Variants in ADGRA3 observed in about 807,000 individuals in gnomAD.
The protein encoded by ADGRA3 is G-protein coupled receptor 125.
In ADGRA3, 56 loss-of-function variants were observed where a neutral mutation model predicts 119.8. The observed-to-expected ratio is 0.47, with a 90% CI of 0.38 to 0.58. The LOEUF (loss-of-function observed/expected upper bound fraction) is 0.58. Among genes scored for constraint, ADGRA3 ranks in the 20% least tolerant of loss-of-function variants. The pLI, the probability that ADGRA3 is intolerant of heterozygous loss-of-function variation, is 0.00. For missense variants in ADGRA3, 1,516 were observed against 1,649.0 expected, an observed-to-expected ratio of 0.92 and a Z score of 1.40; for synonymous variants, 607 against 623.8, an observed-to-expected ratio of 0.97 and a Z score of 0.40.
intron 4 of ADGRA3, among the ~76,000 whole-genome samples, chr4:22,449,505 T>C (rs1716954141): frequency 6.6e-6 from 1 of 152,050 alleles, no homozygotes; most frequent in Non-Finnish European, 1.5e-5. Context: ...GTTTGCAAGA[T>C]TCCATAACAG....
chr4:22,442,595 GATAA>G, intron 7 of ADGRA3, 51 bp downstream of exon 7: 3 of 1,247,786 alleles, frequency 2.4e-6, no homozygotes, highest in Non-Finnish European at 2.3e-6. Flanking sequence ...CCTCCAAAAG[GATAA>G]ATAAAATACA....
At chr4:22,480,964 C>A (rs1378645108) in intron 1 of ADGRA3, among the ~76,000 whole-genome samples, 2 of 152,060 alleles carry the variant, frequency 1.3e-5, no homozygotes, top group Admixed American at 6.6e-5. Flanking sequence ...CGCTTGAGCC[C>A]AGGAGTTTGA....
Position 22,387,661 on chromosome 4 carries a change from G to GT in ADGRA3, c.*43dup, listed in dbSNP as rs1560290145. 1 of 1,535,856 alleles carries GT rather than the reference G, an allele frequency of 6.5e-7. No homozygotes were observed. Among genetic ancestry groups the GT allele is most frequent in the Non-Finnish European group, 8.8e-7 (1 of 1,136,382 alleles). On this transcript the variant is annotated 3_prime_UTR_variant, in exon 19 of 19. Transcript: ENST00000334304. ...ATGCTCATAGCTTCAAGGAATGTGA[G>GT]TATCACAGTTTATATGAATTTCTGC... is the stretch of plus-strand genomic sequence containing the variant.
Position 22,388,043 on chromosome 4 carries a change from G to T in ADGRA3, c.3628C>A (p.Arg1210=), listed in dbSNP as rs779659276. 2 of 1,614,076 alleles carry T rather than the reference G, an allele frequency of 1.2e-6. No homozygotes were observed. The highest frequency in any genetic ancestry group is 1.1e-5 in the South Asian group (1 of 91,084). ...GSVQNGLPKS[R]LGNNEGHSRS... is the part of the protein sequence containing the mutation. ...GAGTGTCCTTCGTTATTGCCCAGCCGGCTTTTAGGTAAGCCGTTCTGCACG... is the reference window on the plus strand; with the variant it reads ...GAGTGTCCTTCGTTATTGCCCAGCCTGCTTTTAGGTAAGCCGTTCTGCACG... Residue 1210 remains arginine (R), a synonymous_variant, in exon 19 of 19, where the codon CGG becomes AGG. Transcript: ENST00000334304.
intron 2 of ADGRA3, among the ~76,000 whole-genome samples, chr4:22,472,440 C>A (rs1717890078): frequency 6.6e-6 from 1 of 152,138 alleles, no homozygotes; most frequent in Admixed American, 6.5e-5. Flanking sequence ...GATCAGCATA[C>A]ACTAAAGCAC....
chr4:22,505,009 G>T (rs1295842966), intron 1 of ADGRA3, among the ~76,000 whole-genome samples: 1 of 152,152 alleles, frequency 6.6e-6, no homozygotes. Flanking sequence ...GGAAGGTAGG[G>T]TAACTACTCC....
At chr4:22,467,726 A>G (rs1016729887) in intron 2 of ADGRA3, among the ~76,000 whole-genome samples, 7 of 152,222 alleles carry the variant, frequency 4.6e-5, no homozygotes, top group Admixed American at 4.6e-4. Flanking sequence ...TTGCCAAAAG[A>G]TATTTATAGT....
intron 3 of ADGRA3, among the ~76,000 whole-genome samples, chr4:22,456,231 T>C (rs60866742): frequency 0.024 from 3,701 of 152,222 alleles, 158 homozygotes; most frequent in African/African-American, 0.083. Flanking sequence ...ATGGTTTAAT[T>C]TTAGGTGTCA....
At position 22,447,515 on chromosome 4, in the gene ADGRA3, A is replaced by C; in HGVS notation, c.474-4T>G. 6.6e-7 allele frequency: 1 copy of C among 1,519,214 alleles called. No homozygotes were observed. The allele number at this position is 1,519,214 out of a possible 1,614,324, so 94.1% of individuals were successfully genotyped here. A position where few individuals can be genotyped will look rare whatever the true frequency, so the allele number is the denominator to read the frequency against. The stretch of plus-strand genomic sequence containing the variant: ...AAACAAATTCCCCGAAAGGTTTCTG[A>C]AAGACAGAAAACAATTTCACTTTTA... On this transcript the variant is annotated splice_region_variant and splice_polypyrimidine_tract_variant and intron_variant, in intron 4 of 18. Transcript: ENST00000334304.
intron 10 of ADGRA3, among the ~76,000 whole-genome samples, chr4:22,425,152 T>C (rs1715879993): frequency 6.6e-6 from 1 of 151,862 alleles, no homozygotes; most frequent in Non-Finnish European, 1.5e-5. Flanking sequence ...AATGCAGGGA[T>C]GCCTAGCTAC....
intron 1 of ADGRA3, among the ~76,000 whole-genome samples, chr4:22,495,935 T>A (rs1019386676): frequency 6.6e-6 from 1 of 151,682 alleles, no homozygotes; most frequent in East Asian, 1.9e-4. Flanking sequence ...TCAGAGTTAA[T>A]ACATGAAAAA....
chr4:22,401,609 C>T, intron 15 of ADGRA3, 55 bp from the exon 16 acceptor site: 1 of 1,339,236 alleles, frequency 7.5e-7, no homozygotes, highest in Non-Finnish European at 1.0e-6. Flanking sequence ...AAGGAGAAAA[C>T]TATGATGTTC....
At chr4:22,438,208 G>A in intron 8 of ADGRA3, 48 bp downstream of exon 8, 4 of 1,521,478 alleles carry the variant, frequency 2.6e-6, no homozygotes, top group Non-Finnish European at 3.6e-6. Context: ...GACAACAGAA[G>A]GATCTGGGAC....
At chr4:22,497,806 G>A (rs1239032751) in intron 1 of ADGRA3, among the ~76,000 whole-genome samples, 1 of 150,682 alleles carries the variant, frequency 6.6e-6, no homozygotes, top group Non-Finnish European at 1.5e-5. Flanking sequence ...CAGGCCGGGT[G>A]TGGTAGCTCA....
At chr4:22,474,487 G>A (rs1717967271) in intron 1 of ADGRA3, among the ~76,000 whole-genome samples, 1 of 152,142 alleles carries the variant, frequency 6.6e-6, no homozygotes, top group African/African-American at 2.4e-5. Flanking sequence ...CTATCCCAAA[G>A]GTCGGACTTG....
intron 1 of ADGRA3, among the ~76,000 whole-genome samples, chr4:22,486,362 T>C (rs1032177051): frequency 1.3e-5 from 2 of 152,194 alleles, no homozygotes; most frequent in African/African-American, 2.4e-5. Context: ...AAGTGATTCA[T>C]GGACGGCTTG....
intron 1 of ADGRA3, among the ~76,000 whole-genome samples, chr4:22,487,104 C>T (rs1718455720): frequency 6.6e-6 from 1 of 152,168 alleles, no homozygotes; most frequent in African/African-American, 2.4e-5. Context: ...CACCAGTCTC[C>T]CCCAACTGTT....
At chr4:22,485,582 C>T (rs982798948) in intron 1 of ADGRA3, among the ~76,000 whole-genome samples, 8 of 152,116 alleles carry the variant, frequency 5.3e-5, no homozygotes, top group Non-Finnish European at 1.0e-4. Context: ...TCTGATGATC[C>T]TTCTTGGTTG....
chr4:22,413,640 G>A lies in ADGRA3; in HGVS notation c.1984C>T (p.Arg662Ter). 3.1e-6 allele frequency: 5 copies of A among 1,613,938 alleles called. No individual in the cohort carries two copies. Among genetic ancestry groups the A allele is most frequent in the Non-Finnish European group, 4.2e-6 (5 of 1,179,904 alleles). ...NSTNLADDGKRRTVVTPVILT... is the reference protein window; with the variant it reads ...NSTNLADDGK ...ATCACAGGGGTAACCACAGTACGTC[G>A]TTTTCCATCATCAGCCAAATTTGTT... The change falls in exon 13 of 19, where the codon CGA becomes TGA. Residue 662 changes from arginine (R) to a stop codon, truncating the protein, a stop_gained. Coordinates refer to ENST00000334304, the MANE Select transcript of ADGRA3 (RefSeq NM_145290.4). LOFTEE classifies it high-confidence loss of function.
Sources: gnomAD v4.1 joint callset for allele counts (sites outside exome capture counted in the v4.1 genomes callset) on GRCh38, gnomAD v4.1.1 for gene constraint, MANE v1.5 for transcripts, NCBI Gene and HGNC (gene_info 2026-07-23, HGNC 2026-07-21) for gene names.